Variants in PIGR observed in about 807,000 individuals in gnomAD.
The protein encoded by PIGR is hepatocellular carcinoma associated protein TB6.
PIGR carries 22 observed loss-of-function variants against 69.5 expected under a neutral mutation model. The ratio of observed to expected loss-of-function variants is 0.32; its 90% confidence interval spans 0.23 to 0.45. The LOEUF (loss-of-function observed/expected upper bound fraction) is 0.45, where lower values mean the gene tolerates loss of function less well. Ranked by LOEUF, PIGR falls within the 20% of genes least tolerant of loss-of-function variation. The pLI is 1.00. For missense variants in PIGR, 885 were observed against 974.0 expected (o/e 0.91, Z 1.22); for synonymous variants, 413 against 407.6 (o/e 1.01, Z -0.16).
chr1:206,934,859 A>T (rs7513585), intron 5 of PIGR, 113 bp from the exon 6 acceptor site: 31 of 480,870 alleles, frequency 6.4e-5, no homozygotes, highest in Admixed American at 3.0e-4. Context: ...ATATATATAT[A>T]TTTTTGTTTT....
At position 206,935,959 on chromosome 1, in the gene PIGR, A is replaced by G; in HGVS notation, c.1046-141T>C. 1.6e-6 allele frequency: 1 copy of G among 636,208 alleles called. No homozygotes were observed. The highest frequency in any genetic ancestry group is 2.7e-6 in the Non-Finnish European group (1 of 366,524). The allele number at this position is 636,208 out of a possible 1,614,324, so 39.4% of individuals were successfully genotyped here. ...ATCACCTTACCCTCTTCAGAAAATG[A>G]AAAGGAGCTTTCCTAATGTCACAGA... On this transcript the variant is annotated intron_variant, in intron 4 of 10. Coordinates refer to ENST00000356495, the MANE Select transcript of PIGR (RefSeq NM_002644.4). The surrounding 1 kb of genome is among the most constrained non-coding windows in gnomAD (Gnocchi z 4.4).
Position 206,935,490 on chromosome 1 carries a change from G to T in PIGR, c.1374C>A (p.Ile458=), listed in dbSNP as rs1679845125. Residue 458 remains isoleucine, a synonymous_variant, in exon 5 of 11, where the codon ATC becomes ATA. Coordinates refer to ENST00000356495, the MANE Select transcript of PIGR (RefSeq NM_002644.4). This position sits in a 1 kb window ranked among gnomAD's most constrained non-coding sequence, Gnocchi z 4.4. ...TCCCTCCCTGTCAACTCCTACCTTC[G>T]ATAATCTTGATCTCCACGGTGGTCC... ...LWRTTVEIKI[I]EGEPNLKVPG... 1.2e-6 allele frequency: 2 copies of T among 1,605,822 alleles called. No homozygotes were observed. The highest frequency in any genetic ancestry group is 1.3e-5 in the African/African-American group (1 of 74,774).
chr1:206,940,346 A>G, intron 2 of PIGR, 143 bp downstream of exon 2: 1 of 713,186 alleles, frequency 1.4e-6, no homozygotes, highest in Non-Finnish European at 2.3e-6. Context: ...TCTTCTCTGT[A>G]TGACTCTTCC....
chr1:206,934,165 A>G (rs772830136), intron 6 of PIGR, among the ~76,000 whole-genome samples: 1 of 152,144 alleles, frequency 6.6e-6, no homozygotes, highest in Non-Finnish European at 1.5e-5. Context: ...TTCAGCTGGG[A>G]GTTGTCTTAA....
intron 7 of PIGR, 110 bp from the exon 8 acceptor site, chr1:206,932,687 C>A: frequency 7.8e-7 from 1 of 1,274,960 alleles, no homozygotes; most frequent in Non-Finnish European, 1.1e-6. Context: ...TCCACCCCAC[C>A]CTGCTGATGC....
intron 8 of PIGR, among the ~76,000 whole-genome samples, 171 bp downstream of exon 8, chr1:206,932,285 A>C (rs1471469421): frequency 6.6e-6 from 1 of 152,108 alleles, no homozygotes; most frequent in Non-Finnish European, 1.5e-5. Context: ...AGCAGCTCTG[A>C]ATTTCAGTTT....
chr1:206,939,100 A>G lies in PIGR; in HGVS notation c.388+19T>C. 3 of 1,583,000 alleles carry G rather than the reference A, an allele frequency of 1.9e-6. No individual in the cohort carries two copies. Among genetic ancestry groups the G allele is most frequent in the Non-Finnish European group, 2.6e-6 (3 of 1,158,354 alleles). On this transcript the variant is annotated intron_variant, in intron 3 of 10. Coordinates refer to ENST00000356495, the MANE Select transcript of PIGR (RefSeq NM_002644.4). Reference sequence around the variant, plus strand: ...CCCTCTAACTTTCCCCCAGAAGCCCAAGGAGCTTGGATCCTTACCCTGGCT... The same window carrying G: ...CCCTCTAACTTTCCCCCAGAAGCCCGAGGAGCTTGGATCCTTACCCTGGCT...
At chr1:206,933,251 T>C in intron 6 of PIGR, 85 bp from the exon 7 acceptor site, 1 of 1,385,934 alleles carries the variant, frequency 7.2e-7, no homozygotes, top group Non-Finnish European at 9.9e-7. Context: ...GGAGACTTCA[T>C]GAGGAATCAC....
At chr1:206,931,310 A>G (rs1679742701) in intron 10 of PIGR, 187 bp downstream of exon 10, 2 of 1,468,774 alleles carry the variant, frequency 1.4e-6, no homozygotes, top group East Asian at 2.5e-5. Context: ...TATCCACATC[A>G]GCATCCCACA....
chr1:206,930,434 C>A lies in PIGR; in HGVS notation c.2200-21G>T, dbSNP rs1315230409. The A allele has an allele frequency of 6.2e-7, 1 of 1,609,878 alleles. No individual in the cohort carries two copies. The highest frequency in any genetic ancestry group is 1.3e-5 in the African/African-American group (1 of 74,904). On this transcript the variant is annotated intron_variant, in intron 10 of 10. Coordinates refer to ENST00000356495, the MANE Select transcript of PIGR (RefSeq NM_002644.4). This position sits in a 1 kb window ranked among gnomAD's most constrained non-coding sequence, Gnocchi z 4.3. ...GATGACTAAGGGGCAAGAGGAGAGG[C>A]ATCAGTGTTGGGGGCACTGGCTCAG... is the stretch of plus-strand genomic sequence containing the variant.
intron 10 of PIGR, 58 bp downstream of exon 10, chr1:206,931,439 G>T: frequency 6.2e-7 from 1 of 1,613,552 alleles, no homozygotes; most frequent in Non-Finnish European, 8.5e-7. Context: ...AAGTCTAACT[G>T]CATCCCCTCA....
rs141320420 is a variant in PIGR at position 206,934,594 on chromosome 1, C to T, written c.1531G>A (p.Glu511Lys). Residue 511 changes from glutamate to lysine, a missense_variant, in exon 6 of 11, where the codon GAA (glutamate) becomes AAA (lysine). By Grantham distance (56) the Glu-to-Lys change is moderately conservative. Transcript: ENST00000356495. ...TGCQALPSQD[E>K]GPSKAFVNCD... ...TTCACGAAGGCCTTGCTGGGGCCTT[C>T]GTCTTGGCTGGGCAGGGCCTGGCAG... 5.9e-4 allele frequency: 960 copies of T among 1,614,102 alleles called. No individual in the cohort carries two copies. The highest frequency in any genetic ancestry group is 7.4e-4 in the Non-Finnish European group (874 of 1,180,050).
intron 4 of PIGR, among the ~76,000 whole-genome samples, chr1:206,936,684 C>G (rs926843385): frequency 6.6e-6 from 1 of 152,202 alleles, no homozygotes; most frequent in Non-Finnish European, 1.5e-5. Flanking sequence ...CGCATTGAGA[C>G]CAAGATAAGC....
At chr1:206,933,371 C>T (rs953245570) in intron 6 of PIGR, among the ~76,000 whole-genome samples, 1 of 152,156 alleles carries the variant, frequency 6.6e-6, no homozygotes, top group African/African-American at 2.4e-5. Context: ...CCATTACTAC[C>T]AAAAGTATAG....
At chr1:206,936,316 A>G (rs1679862058) in intron 4 of PIGR, among the ~76,000 whole-genome samples, 1 of 152,228 alleles carries the variant, frequency 6.6e-6, no homozygotes, top group African/African-American at 2.4e-5. Context: ...CAAAGACGAT[A>G]GCCATTCTCC....
chr1:206,938,968 T>C, intron 3 of PIGR, 151 bp downstream of exon 3: 1 of 644,272 alleles, frequency 1.6e-6, no homozygotes, highest in East Asian at 2.7e-5. Flanking sequence ...CCTTCTCCTG[T>C]TAAAGAAGTC....
intron 3 of PIGR, 47 bp downstream of exon 3, chr1:206,939,072 A>C: frequency 6.9e-6 from 10 of 1,453,848 alleles, no homozygotes; most frequent in Non-Finnish European, 9.5e-6. Flanking sequence ...ACCTTAGAGA[A>C]TTCCCTCTAA....
chr1:206,934,342 A>G lies in PIGR; in HGVS notation c.1705+78T>C. 4 of 1,280,902 alleles carry G rather than the reference A, an allele frequency of 3.1e-6. No homozygotes were observed. The East Asian group carries it at 9.3e-5, about 30-fold the overall frequency. The allele number at this position is 1,280,902 out of a possible 1,614,324, so 79.3% of individuals were successfully genotyped here. ...CAAACATAGGGGCCAGCACTGATTG[A>G]GAAGCTCTCAGGCAGGGGCCTTCAG... is the stretch of plus-strand genomic sequence containing the variant. On this transcript the variant is annotated intron_variant, in intron 6 of 10. Transcript: ENST00000356495.
Position 206,939,447 on chromosome 1 carries a change from A to T in PIGR, c.60T>A (p.Ser20Arg). 1.9e-6 allele frequency: 3 copies of T among 1,600,894 alleles called. No homozygotes were observed. Among genetic ancestry groups the T allele is most frequent in the Non-Finnish European group, 2.6e-6 (3 of 1,169,858 alleles). The part of the protein sequence containing the change: ...LAVFPAISTK[S>R]PIFGPEEVNS... ...TCACCTCCTCGGGACCAAATATGGG[A>T]CTCTTCGTGGAGATGGCTGTGGGAA... Residue 20 changes from serine to arginine, a missense_variant, in exon 3 of 11, where the codon AGT (serine) becomes AGA (arginine). Transcript: ENST00000356495.
Sources: gnomAD v4.1 joint callset for allele counts (sites outside exome capture counted in the v4.1 genomes callset) on GRCh38, gnomAD v4.1.1 for gene constraint, Gnocchi (gnomAD v3.1) non-coding constraint, MANE v1.5 for transcripts, NCBI Gene and HGNC (gene_info 2026-07-23, HGNC 2026-07-21) for gene names.